The following KLF8 variants were observed in gnomAD, a reference collection of about 807,000 sequenced individuals.
KLF8 encodes Krueppel-like factor 8.
A neutral mutation model predicts 18.2 loss-of-function variants in KLF8; 10 were observed. The ratio of observed to expected loss-of-function variants is 0.55; its 90% CI spans 0.34 to 0.93. KLF8 has a LOEUF of 0.93. Ranked by LOEUF, KLF8 falls within the 40% of genes least tolerant of loss-of-function variation. The pLI is 0.02. For synonymous variants in KLF8, 109 were observed against 97.3 expected, an observed-to-expected ratio of 1.12 and a Z score of -0.71; for missense variants, 264 against 277.9, an observed-to-expected ratio of 0.95 and a Z score of 0.36.
chrX:56,160,873 C>A, the KLF8 span, among the ~76,000 whole-genome samples: 2 of 111,353 alleles, frequency 1.8e-5, no homozygotes, highest in African/African-American at 6.5e-5. Flanking sequence ...TTAATTGGAG[C>A]ATCTAGCCCA....
the KLF8 span, among the ~76,000 whole-genome samples, chrX:56,192,121 T>C: frequency 8.9e-6 from 1 of 111,771 alleles, no homozygotes; most frequent in Admixed American, 9.6e-5. Flanking sequence ...ACAAATTCAG[T>C]AAAGTTGCAG....
the KLF8 span, among the ~76,000 whole-genome samples, chrX:56,133,143 A>C: frequency 8.9e-6 from 1 of 111,772 alleles, no homozygotes; most frequent in African/African-American, 3.2e-5. Flanking sequence ...GAGAAAGAGC[A>C]AATCCTCCCT....
chrX:56,198,758 T>C, the KLF8 span, among the ~76,000 whole-genome samples: 4 of 111,140 alleles, frequency 3.6e-5, no homozygotes, highest in Non-Finnish European at 7.6e-5. Context: ...CCATATGAAA[T>C]GAAAAAAGAG....
chrX:55,918,328 T>A, the KLF8 span, among the ~76,000 whole-genome samples: 1 of 111,972 alleles, frequency 8.9e-6, no homozygotes, highest in Non-Finnish European at 1.9e-5. Context: ...TTATACATCA[T>A]TTTTCATGTT....
At chrX:55,933,806 C>T in the KLF8 span, among the ~76,000 whole-genome samples, 5 of 111,674 alleles carry the variant, frequency 4.5e-5, no homozygotes, top group Admixed American at 3.8e-4. Flanking sequence ...ACTGTATTCT[C>T]CTTTCTACTT....
the KLF8 span, among the ~76,000 whole-genome samples, chrX:55,993,303 C>T: frequency 9.0e-6 from 1 of 111,612 alleles, no homozygotes; most frequent in African/African-American, 3.3e-5. Flanking sequence ...GGGTTTCTAA[C>T]GTAAAGGGAT....
At chrX:56,279,131 G>T (rs757043196) in intron 5 of KLF8, among the ~76,000 whole-genome samples, 1 of 111,116 alleles carries the variant, frequency 9.0e-6, no homozygotes, top group South Asian at 3.9e-4. Flanking sequence ...TACTGTGAGT[G>T]GTCATCTGAT....
At chrX:56,078,482 G>A in the KLF8 span, among the ~76,000 whole-genome samples, 45 of 111,883 alleles carry the variant, frequency 4.0e-4, no homozygotes, top group African/African-American at 1.4e-3. Flanking sequence ...TTGCATCCCA[G>A]GGATGAATCC....
the KLF8 span, among the ~76,000 whole-genome samples, chrX:55,923,714 G>C: frequency 4.7e-5 from 1 of 21,379 alleles, no homozygotes; most frequent in African/African-American, 1.1e-4. Context: ...ACGTGTGTGT[G>C]TGTGTGTGTG....
At chrX:56,259,543 C>T (rs753174029) in intron 2 of KLF8, among the ~76,000 whole-genome samples, 1 of 110,619 alleles carries the variant, frequency 9.0e-6, no homozygotes, top group African/African-American at 3.3e-5. Context: ...TCCAATTCTA[C>T]CTCTTCCATG....
the KLF8 span, among the ~76,000 whole-genome samples, chrX:56,011,330 C>T: frequency 8.9e-6 from 1 of 112,248 alleles, no homozygotes; most frequent in East Asian, 2.8e-4. Context: ...CTCAAAACCA[C>T]ACAACTACTT....
the KLF8 span, among the ~76,000 whole-genome samples, chrX:55,969,492 GA>G: frequency 9.0e-6 from 1 of 111,214 alleles, no homozygotes; most frequent in African/African-American, 3.3e-5. Context: ...GCCACTATGT[GA>G]AAAAAAGAAA....
chrX:56,060,042 C>T, the KLF8 span, among the ~76,000 whole-genome samples: 4 of 110,963 alleles, frequency 3.6e-5, no homozygotes, highest in South Asian at 3.8e-4. Context: ...GCAGTGAGAC[C>T]TGAGATTTTC....
chrX:56,168,833 T>A, the KLF8 span, among the ~76,000 whole-genome samples: 1 of 111,518 alleles, frequency 9.0e-6, no homozygotes, highest in Non-Finnish European at 1.9e-5. Flanking sequence ...GAACTCATCC[T>A]TTTTTATGGC....
intron 5 of KLF8, among the ~76,000 whole-genome samples, chrX:56,272,252 A>C (rs1358946430): frequency 9.1e-6 from 1 of 110,381 alleles, no homozygotes; most frequent in East Asian, 2.8e-4. Flanking sequence ...TCTGTTGCCC[A>C]GGCTGGAGTT....
chrX:56,112,786 G>C, the KLF8 span, among the ~76,000 whole-genome samples: 2 of 112,251 alleles, frequency 1.8e-5, no homozygotes, highest in African/African-American at 6.5e-5. Context: ...ATACTTTTCA[G>C]TGTCAAAATT....
the KLF8 span, among the ~76,000 whole-genome samples, chrX:56,098,703 T>C: frequency 9.0e-6 from 1 of 111,179 alleles, no homozygotes; most frequent in Non-Finnish European, 1.9e-5. Flanking sequence ...TCTCACCACC[T>C]GAATCAACAT....
intron 2 of KLF8, among the ~76,000 whole-genome samples, chrX:56,251,999 T>C (rs977330889): frequency 9.0e-6 from 1 of 111,315 alleles, no homozygotes; most frequent in African/African-American, 3.3e-5. Flanking sequence ...ATAGTAGGTC[T>C]TATTTGTTAT....
the KLF8 span, among the ~76,000 whole-genome samples, chrX:56,097,341 C>CT: frequency 5.4e-3 from 486 of 90,640 alleles, no homozygotes; most frequent in South Asian, 7.1e-3. Context: ...CCCTTTCTTT[C>CT]TTTTTTTTTT....
Sources: allele counts gnomAD v4.1 joint callset (sites outside exome capture counted in the v4.1 genomes callset), GRCh38; gene constraint gnomAD v4.1.1; transcripts MANE v1.5; gene names NCBI Gene and HGNC (gene_info 2026-07-23, HGNC 2026-07-21).